C16orf95: variants seen among roughly 807,000 people sequenced by gnomAD.
C16orf95 encodes the protein uncharacterized protein C16orf95.
A neutral mutation model predicts 32.1 loss-of-function variants in C16orf95; 41 were observed. The observed-to-expected ratio is 1.28, with a 90% confidence interval of 1.00 to 1.66. C16orf95 has a LOEUF of 1.66. Ranked by LOEUF, C16orf95 falls within the 40% of genes most tolerant of loss-of-function variation. The pLI is 0.00. For synonymous variants in C16orf95, 147 were observed against 128.9 expected (o/e 1.14, Z -0.95); for missense variants, 399 against 325.9 (o/e 1.22, Z -1.73).
intron 3 of C16orf95, 67 bp downstream of exon 3, chr16:87,314,904 G>T: frequency 7.4e-7 from 1 of 1,344,116 alleles, no homozygotes; most frequent in Non-Finnish European, 1.0e-6. Context: ...CTAATTCTGA[G>T]GGGTGACTGG....
chr16:87,313,713 G>C (rs559954753), intron 3 of C16orf95, among the ~76,000 whole-genome samples: 1 of 152,310 alleles, frequency 6.6e-6, no homozygotes, highest in South Asian at 2.1e-4. Flanking sequence ...GGGCAACAGA[G>C]TGAGGCCCGG....
intron 5 of C16orf95, among the ~76,000 whole-genome samples, chr16:87,307,478 G>C (rs1911080174): frequency 6.6e-6 from 1 of 152,110 alleles, no homozygotes; most frequent in Non-Finnish European, 1.5e-5. Flanking sequence ...ATAAAAATAG[G>C]CCAGGCACGG....
In C16orf95 at chr16:87,305,612, A is replaced by T; in HGVS notation, c.701+107T>A. The T allele has an allele frequency of 2.9e-6, 3 of 1,026,950 alleles. No individual in the cohort carries two copies. The highest frequency in any genetic ancestry group is 4.1e-6 in the Non-Finnish European group (3 of 739,178). The allele number at this position is 1,026,950 out of a possible 1,614,324, so 63.6% of individuals were successfully genotyped here. A position where few individuals can be genotyped will look rare whatever the true frequency, so the allele number is the denominator to read the frequency against. Reference sequence around the variant, plus strand: ...CCGGGCCTTGGACGCCTGTCAAGTTAAGCCCCACCCCCCACTCTTCCACAT... The same window carrying T: ...CCGGGCCTTGGACGCCTGTCAAGTTTAGCCCCACCCCCCACTCTTCCACAT... On this transcript the variant is annotated intron_variant, in intron 6 of 6. Coordinates refer to ENST00000567970, the MANE Select transcript of C16orf95 (RefSeq NM_001195124.3). This position sits in a 1 kb window ranked among gnomAD's most constrained non-coding sequence, Gnocchi z 4.2.
chr16:87,309,400 T>G (rs1429875914), intron 5 of C16orf95, among the ~76,000 whole-genome samples: 2 of 121,128 alleles, frequency 1.7e-5, no homozygotes, highest in African/African-American at 5.7e-5. Flanking sequence ...TTTTTTTTTT[T>G]GTAGACAGAG....
At chr16:87,316,500 C>T (rs1473516676) in intron 1 of C16orf95, among the ~76,000 whole-genome samples, 7 of 152,302 alleles carry the variant, frequency 4.6e-5, no homozygotes. Context: ...GTCATAATAA[C>T]CATTATTATT....
rs1204187916 is a variant in C16orf95 at position 87,315,709 on chromosome 16, TCTC to T, written c.204+60_204+62del. 3 of 1,269,358 alleles carry T rather than the reference TCTC, an allele frequency of 2.4e-6. No individual in the cohort carries two copies. In the African/African-American group the frequency reaches 4.6e-5, roughly 19 times the overall value. 78.6% of individuals were successfully genotyped at this position (1,269,358 alleles called of 1,614,324 possible). A position where few individuals can be genotyped will look rare whatever the true frequency, so the allele number is the denominator to read the frequency against. ...CAGCTTCTGGACCCACATTCCCTGC[TCTC>T]CTCACCCCACAGGGATATGTTGGGG... On this transcript the variant is annotated intron_variant, in intron 2 of 6. Coordinates refer to ENST00000567970, the MANE Select transcript of C16orf95 (RefSeq NM_001195124.3).
At chr16:87,311,347 T>C (rs1382540891) in intron 3 of C16orf95, 51 bp from the exon 4 acceptor site, 7 of 1,457,892 alleles carry the variant, frequency 4.8e-6, no homozygotes. Context: ...GAGCCATGCC[T>C]GTCCCCAATG....
chr16:87,311,005 C>T, intron 4 of C16orf95, 145 bp downstream of exon 4: 1 of 802,336 alleles, frequency 1.2e-6, no homozygotes, highest in South Asian at 2.5e-5. Flanking sequence ...GCCACAGCTG[C>T]CAGGGGATCT....
At chr16:87,306,173 G>A (rs1473660207) in intron 5 of C16orf95, 1 of 315,396 alleles carries the variant, frequency 3.2e-6, no homozygotes, top group Non-Finnish European at 5.8e-6. Flanking sequence ...GCAATGTCTA[G>A]CTGGGACTTG....
chr16:87,313,518 G>T (rs1911376162), intron 3 of C16orf95, among the ~76,000 whole-genome samples: 1 of 152,212 alleles, frequency 6.6e-6, no homozygotes, highest in African/African-American at 2.4e-5. Flanking sequence ...TGGGTCACTT[G>T]AGTCCAGGTG....
At chr16:87,310,411 C>A in intron 4 of C16orf95, 78 bp from the exon 5 acceptor site, 3 of 1,409,942 alleles carry the variant, frequency 2.1e-6, no homozygotes, top group South Asian at 1.2e-5. Flanking sequence ...GGACTCCAAA[C>A]CTCCAGGAGG....
At chr16:87,304,226 T>C (rs1170246780) in intron 6 of C16orf95, among the ~76,000 whole-genome samples, 3 of 151,952 alleles carry the variant, frequency 2.0e-5, no homozygotes, top group African/African-American at 7.3e-5. Flanking sequence ...CCCAAGCTGG[T>C]CTTGAACTCC....
chr16:87,314,778 C>A (rs568155239), intron 3 of C16orf95, among the ~76,000 whole-genome samples, 193 bp downstream of exon 3: 1 of 152,106 alleles, frequency 6.6e-6, no homozygotes, highest in Non-Finnish European at 1.5e-5. Flanking sequence ...GTGAGGTGTG[C>A]CTCCCTCAGA....
intron 3 of C16orf95, 101 bp downstream of exon 3, chr16:87,314,870 A>T (rs1904305789): frequency 9.8e-7 from 1 of 1,017,558 alleles, no homozygotes; most frequent in Admixed American, 3.0e-5. Flanking sequence ...CTGAAATGTT[A>T]AAATATCCAT....
At chr16:87,316,985 T>C (rs1288490584) in intron 1 of C16orf95, 106 bp downstream of exon 1, 2 of 1,390,844 alleles carry the variant, frequency 1.4e-6, no homozygotes, top group Non-Finnish European at 1.9e-6. Flanking sequence ...TTCCTGTGGG[T>C]GGCGGTCAAG....
intron 5 of C16orf95, among the ~76,000 whole-genome samples, chr16:87,307,657 C>A (rs1911086763): frequency 6.6e-6 from 1 of 152,094 alleles, no homozygotes; most frequent in African/African-American, 2.4e-5. Context: ...ACTTGGGAGG[C>A]TGAGGTAGGA....
In C16orf95 at chr16:87,302,933, G is replaced by C. The variant is rs1862787; in HGVS notation, c.*124C>G. ...GAGAAATCATTTGGGTTGAATCCTGGGTGTGGATTCTGTTCTGAGAAGACA... is the reference window on the plus strand; with the variant it reads ...GAGAAATCATTTGGGTTGAATCCTGCGTGTGGATTCTGTTCTGAGAAGACA... On this transcript the variant is annotated 3_prime_UTR_variant, in exon 7 of 7. Coordinates refer to ENST00000567970, the MANE Select transcript of C16orf95 (RefSeq NM_001195124.3). 0.022 allele frequency: 21,553 copies of C among 979,880 alleles called. 1,816 individuals are homozygous for C. The African/African-American group carries it at 0.23, about 11-fold the overall frequency. 60.7% of individuals were successfully genotyped at this position (979,880 alleles called of 1,614,324 possible).
At position 87,305,614 on chromosome 16, in the gene C16orf95, G is replaced by C. The variant is rs11649601; in HGVS notation, c.701+105C>G. On this transcript the variant is annotated intron_variant, in intron 6 of 6. Transcript: ENST00000567970. The surrounding 1 kb of genome is among the most constrained non-coding windows in gnomAD (Gnocchi z 4.2). ...GGGCCTTGGACGCCTGTCAAGTTAA[G>C]CCCCACCCCCCACTCTTCCACATCC... The C allele has an allele frequency of 0.38, 401,659 of 1,071,012 alleles. 81,085 individuals are homozygous for C. The highest frequency in any genetic ancestry group is 0.42 in the Non-Finnish European group (329,016 of 775,218). The allele number at this position is 1,071,012 out of a possible 1,614,324, so 66.3% of individuals were successfully genotyped here.
intron 4 of C16orf95, among the ~76,000 whole-genome samples, chr16:87,310,903 G>A (rs1020341789): frequency 2.0e-5 from 3 of 152,168 alleles, no homozygotes. Context: ...CCTCTGCAGA[G>A]AGCAGCGCGG....
Sources: allele counts gnomAD v4.1 joint callset (sites outside exome capture counted in the v4.1 genomes callset), GRCh38; gene constraint gnomAD v4.1.1; non-coding constraint Gnocchi (gnomAD v3.1); transcripts MANE v1.5; gene names NCBI Gene and HGNC (gene_info 2026-07-23, HGNC 2026-07-21).